PPP2R5C: variants seen among roughly 807,000 people sequenced by gnomAD.
PPP2R5C encodes the protein serine/threonine-protein phosphatase 2A 56 kDa regulatory subunit gamma isoform.
Under a neutral mutation model 68.9 loss-of-function variants are expected in PPP2R5C, and 7 were observed. The ratio of observed to expected loss-of-function variants is 0.10; its 90% CI spans 0.06 to 0.19. The LOEUF (loss-of-function observed/expected upper bound fraction) is 0.19, where lower values mean the gene tolerates loss of function less well. Among genes scored for constraint, PPP2R5C ranks in the 10% least tolerant of loss-of-function variants. The probability of loss-of-function intolerance (pLI) is 1.00; values close to 1 mark genes in which losing one functional copy is unlikely to be tolerated. For missense variants in PPP2R5C, 348 were observed against 641.3 expected (o/e 0.54, Z 4.94); for synonymous variants, 210 against 222.2 (o/e 0.95, Z 0.49).
chr14:101,925,525 G>A (rs765989510), exon 14 of PPP2R5C: 33 of 405,824 alleles, frequency 8.1e-5, no homozygotes, highest in Non-Finnish European at 8.1e-5. Flanking sequence ...CGTAGTCCAA[G>A]TCAGACTATT....
At chr14:101,886,231 A>G (rs1040610009) in intron 5 of PPP2R5C, among the ~76,000 whole-genome samples, 1 of 151,602 alleles carries the variant, frequency 6.6e-6, no homozygotes, top group African/African-American at 2.4e-5. Flanking sequence ...CAGTGAGCCG[A>G]GATCGTGCCA....
intron 11 of PPP2R5C, among the ~76,000 whole-genome samples, chr14:101,910,676 A>ACCAAAAAAGGGCCAGGCCAC: frequency 1.3e-5 from 2 of 151,848 alleles, no homozygotes; most frequent in South Asian, 4.2e-4. Flanking sequence ...ACTAAAAAAT[A>ACCAAAAAAGGGCCAGGCCAC]CCAAAAAAGG....
intron 13 of PPP2R5C, among the ~76,000 whole-genome samples, chr14:101,918,759 A>C (rs1272704399): frequency 2.1e-5 from 3 of 143,620 alleles, no homozygotes; most frequent in Non-Finnish European, 4.5e-5. Flanking sequence ...GTAGACACTT[A>C]GGACAACTGA....
intron 3 of PPP2R5C, among the ~76,000 whole-genome samples, chr14:101,787,533 G>A (rs1320104159): frequency 6.6e-6 from 1 of 152,152 alleles, no homozygotes; most frequent in Non-Finnish European, 1.5e-5. Flanking sequence ...GGAGGCCAAG[G>A]CGGGCGGATC....
At chr14:101,907,600 CA>C (rs749229576) in intron 10 of PPP2R5C, among the ~76,000 whole-genome samples, 6 of 152,138 alleles carry the variant, frequency 3.9e-5, no homozygotes, top group Non-Finnish European at 7.4e-5. Flanking sequence ...TAAAGAAGAG[CA>C]GGTTATGCTA....
In PPP2R5C at chr14:101,888,676, C is replaced by G. The variant is rs548965667; in HGVS notation, c.630-1561C>G. 6.6e-6 allele frequency among the ~76,000 whole-genome samples: 1 copy of G among 152,328 alleles called. No individual in the cohort carries two copies. Among genetic ancestry groups the G allele is most frequent in the South Asian group, 2.1e-4 (1 of 4,824 alleles). On this transcript the variant is annotated intron_variant, in intron 5 of 13. Coordinates refer to ENST00000334743, the Ensembl canonical transcript of PPP2R5C. The surrounding 1 kb of genome is among the most constrained non-coding windows in gnomAD (Gnocchi z 5.6). ...GCGCCATCTCAGCTCACTGCAACCT[C>G]CATCTTCCAGGTTCAAGTGATCCTC...
At chr14:101,851,413 A>G (rs1287033754) in intron 1 of PPP2R5C, among the ~76,000 whole-genome samples, 2 of 152,204 alleles carry the variant, frequency 1.3e-5, no homozygotes, top group Admixed American at 6.5e-5. Context: ...CCTGGGCAAC[A>G]TAGTGAGACC....
chr14:101,876,060 T>G (rs1048090283), intron 2 of PPP2R5C, among the ~76,000 whole-genome samples: 4 of 152,202 alleles, frequency 2.6e-5, no homozygotes, highest in East Asian at 1.9e-4. Context: ...TATTTGCATG[T>G]GGTAGTCTAG....
At chr14:101,837,626 C>T (rs1374763185) in intron 1 of PPP2R5C, among the ~76,000 whole-genome samples, 1 of 152,170 alleles carries the variant, frequency 6.6e-6, no homozygotes, top group Non-Finnish European at 1.5e-5. Flanking sequence ...AGAAGAGCTT[C>T]GTCGCTCAAG....
chr14:101,836,363 G>A (rs2041101405), intron 1 of PPP2R5C: 1 of 702,104 alleles, frequency 1.4e-6, no homozygotes, highest in Admixed American at 2.0e-5. Flanking sequence ...CTTCTCCCCT[G>A]CCCTTCTGCC....
intron 2 of PPP2R5C, among the ~76,000 whole-genome samples, chr14:101,869,457 G>T (rs1408862583): frequency 6.6e-6 from 1 of 152,014 alleles, no homozygotes; most frequent in African/African-American, 2.4e-5. Flanking sequence ...GGATGCAATC[G>T]CTAGGTGAAT....
chr14:101,886,229 C>T (rs944842516), intron 5 of PPP2R5C, among the ~76,000 whole-genome samples: 20 of 150,442 alleles, frequency 1.3e-4, no homozygotes, highest in African/African-American at 4.4e-4. Context: ...TACAGTGAGC[C>T]GAGATCGTGC....
At chr14:101,761,759 G>C, upstream of PPP2R5C, 3 of 972,284 alleles carry the variant, frequency 3.1e-6, no homozygotes, top group South Asian at 1.4e-4. Flanking sequence ...GGAAGCGAGA[G>C]CAAGCGAAAG....
chr14:101,843,785 T>C, intron 1 of PPP2R5C: 1 of 227,528 alleles, frequency 4.4e-6, no homozygotes, highest in South Asian at 6.8e-5. Flanking sequence ...TGCTGCCACC[T>C]CCAGGGGGAG....
At chr14:101,856,563 A>AC (rs34486272) in intron 1 of PPP2R5C, 123 bp from the exon 4 acceptor site, 125,262 of 889,302 alleles carry the variant, frequency 0.14, 10,461 homozygotes, top group African/African-American at 0.33. Context: ...TGTTTACCCC[A>AC]CCCATCTCCT....
intron 1 of PPP2R5C, chr14:101,836,085 A>G: frequency 1.6e-6 from 1 of 626,678 alleles, no homozygotes; most frequent in Non-Finnish European, 2.9e-6. Context: ...TTTTTTAATT[A>G]CTTAAGGAAA....
intron 1 of PPP2R5C, chr14:101,836,023 A>G (rs555634307): frequency 1.7e-6 from 1 of 596,026 alleles, no homozygotes; most frequent in Non-Finnish European, 3.0e-6. Flanking sequence ...AAGAATTAAA[A>G]GTGAAAATAG....
In PPP2R5C at chr14:101,886,498, T is replaced by C. The variant is rs527245035; in HGVS notation, c.629+2936T>C. On this transcript the variant is annotated intron_variant, in intron 5 of 13. Transcript: ENST00000334743. ...TTTGATAGTCTTTTCTGTAATTGTG[T>C]GCATGCTTTTGATAGTCTTTTCTGT... Among the ~76,000 whole-genome samples the C allele has an allele frequency of 2.2e-4, 33 of 152,178 alleles. No homozygotes were observed. The East Asian group carries it at 6.2e-3, about 28-fold the overall frequency.
In PPP2R5C at chr14:101,781,361, G is replaced by A. The variant is rs1233971753; in HGVS notation, c.94-4657G>A. 1.3e-5 allele frequency among the ~76,000 whole-genome samples: 2 copies of A among 152,212 alleles called. No individual in the cohort carries two copies. Among genetic ancestry groups the A allele is most frequent in the Non-Finnish European group, 1.5e-5 (1 of 68,032 alleles). On this transcript the variant is annotated intron_variant, in intron 2 of 14. Transcript: ENST00000328724. This position sits in a 1 kb window ranked among gnomAD's most constrained non-coding sequence, Gnocchi z 6.4. ...CCGCCCTGCGCCTCCCGGTGGCACA[G>A]CGACCTTGGCGGCTTTGGCCCCTGA...
Sources: gnomAD v4.1 joint callset for allele counts (sites outside exome capture counted in the v4.1 genomes callset) on GRCh38, gnomAD v4.1.1 for gene constraint, Gnocchi (gnomAD v3.1) non-coding constraint, MANE v1.5 for transcripts, NCBI Gene and HGNC (gene_info 2026-07-23, HGNC 2026-07-21) for gene names.